The following SHOC1 variants were observed in gnomAD, a reference collection of about 807,000 sequenced individuals.
SHOC1 encodes shortage in chiasmata 1, also known as protein shortage in chiasmata 1 ortholog.
SHOC1 carries 136 observed loss-of-function variants against 179.2 expected under a neutral mutation model. The observed-to-expected ratio is 0.76, with a 90% CI of 0.66 to 0.87. SHOC1 has a LOEUF of 0.87. Among genes scored for constraint, SHOC1 ranks in the 40% least tolerant of loss-of-function variants. The pLI, the probability that SHOC1 is intolerant of heterozygous loss-of-function variation, is 0.00. For missense variants in SHOC1, 1,538 were observed against 1,700.8 expected (o/e 0.90, Z 1.68); for synonymous variants, 489 against 586.6 (o/e 0.83, Z 2.41).
chr9:111,730,061 A>G (rs1443347784), intron 12 of SHOC1, among the ~76,000 whole-genome samples: 1 of 151,950 alleles, frequency 6.6e-6, no homozygotes, highest in South Asian at 2.1e-4. Context: ...ATAAGAAACA[A>G]CTCCTCATTT....
chr9:111,787,073 G>A (rs1307710427), intron 2 of SHOC1, among the ~76,000 whole-genome samples: 1 of 152,124 alleles, frequency 6.6e-6, no homozygotes, highest in African/African-American at 2.4e-5. Context: ...GCCTATTGTT[G>A]AGACCTACTT....
chr9:111,753,310 A>G (rs1045288450), intron 8 of SHOC1, among the ~76,000 whole-genome samples: 2 of 152,204 alleles, frequency 1.3e-5, no homozygotes, highest in African/African-American at 4.8e-5. Flanking sequence ...AAGTCATTCT[A>G]TGAGGCCCAT....
chr9:111,715,206 T>C (rs1354048047), intron 16 of SHOC1, among the ~76,000 whole-genome samples: 3 of 152,166 alleles, frequency 2.0e-5, no homozygotes, highest in Non-Finnish European at 4.4e-5. Context: ...GATTTCTATG[T>C]CTAAAAAGCT....
chr9:111,711,222 G>A (rs1589392473), intron 18 of SHOC1, among the ~76,000 whole-genome samples: 1 of 152,162 alleles, frequency 6.6e-6, no homozygotes, highest in African/African-American at 2.4e-5. Context: ...ATAGAGACAG[G>A]AGGCAGCCAA....
In SHOC1 at chr9:111,686,846, TGTG is replaced by T. The variant is rs773807439; in HGVS notation, c.4448_4450del (p.Pro1483del). On this transcript the variant is annotated inframe_deletion, in exon 28 of 28. Transcript: ENST00000682961. ...ATATGCTAGACGTCGTTTTTTGAAT[TGTG>T]GTAGTTGTGAGCACATAAAACCTGT... The T allele has an allele frequency of 1.5e-5, 25 of 1,613,154 alleles. No individual in the cohort carries two copies. Among genetic ancestry groups the T allele is most frequent in the Non-Finnish European group, 1.7e-5 (20 of 1,179,314 alleles).
In SHOC1 at chr9:111,723,870, T is replaced by C; in HGVS notation, c.1876A>G (p.Ile626Val). ...CSLTLQEESPIVHINKTLEEI... is the reference protein window; with the variant it reads ...CSLTLQEESPVVHINKTLEEI... ...TCCAGGGTTTTATTAATATGAACAATAGGACTTTCTTCTTGAAGTGTCAAA... is the reference window on the plus strand; with the variant it reads ...TCCAGGGTTTTATTAATATGAACAACAGGACTTTCTTCTTGAAGTGTCAAA... The change falls in exon 14 of 28, where the codon ATT becomes GTT. Residue 626 changes from isoleucine to valine, a missense_variant. Physicochemically the swap from Ile to Val is conservative, Grantham distance 29. Transcript: ENST00000682961. 1 of 1,583,990 alleles carries C rather than the reference T, an allele frequency of 6.3e-7. No individual in the cohort carries two copies. The highest frequency in any genetic ancestry group is 1.7e-5 in the Admixed American group (1 of 59,706).
At chr9:111,699,352 A>G (rs1831852117) in intron 24 of SHOC1, among the ~76,000 whole-genome samples, 1 of 152,202 alleles carries the variant, frequency 6.6e-6, no homozygotes, top group Non-Finnish European at 1.5e-5. Flanking sequence ...CTTGTTGGAT[A>G]TTCACGTGGA....
chr9:111,761,343 A>C lies in SHOC1; in HGVS notation c.443-2495T>G, dbSNP rs942938327. On this transcript the variant is annotated intron_variant, in intron 5 of 27. Coordinates refer to ENST00000682961, the MANE Select transcript of SHOC1 (RefSeq NM_001378211.1). ...ATGGCGAAACCCCCTCTCTACTAAA[A>C]ATACAAAAATTAGCCGGGCTTGGTG... Among the ~76,000 whole-genome samples, 8 of 152,190 alleles carry C rather than the reference A, an allele frequency of 5.3e-5. No homozygotes were observed. The East Asian group carries it at 1.5e-3, about 29-fold the overall frequency.
intron 12 of SHOC1, among the ~76,000 whole-genome samples, chr9:111,728,779 C>A (rs959526169): frequency 6.6e-6 from 1 of 152,044 alleles, no homozygotes; most frequent in African/African-American, 2.4e-5. Flanking sequence ...TATTAAAAAC[C>A]ATGGAATGGT....
At chr9:111,711,704 G>GT (rs1832557892) in intron 18 of SHOC1, among the ~76,000 whole-genome samples, 2 of 152,106 alleles carry the variant, frequency 1.3e-5, no homozygotes, top group Middle Eastern at 3.2e-3. Flanking sequence ...TATAGTAGGG[G>GT]TTTTTTGTAT....
At chr9:111,767,722 A>T (rs1483692333) in intron 5 of SHOC1, among the ~76,000 whole-genome samples, 1 of 152,130 alleles carries the variant, frequency 6.6e-6, no homozygotes, top group Non-Finnish European at 1.5e-5. Flanking sequence ...ATTTCTGTGG[A>T]GAATATCATT....
Position 111,707,875 on chromosome 9 carries a change from T to G in SHOC1, c.2538A>C (p.Glu846Asp), listed in dbSNP as rs1214225267. The G allele has an allele frequency of 8.8e-6, 14 of 1,582,350 alleles. No homozygotes were observed. The highest frequency in any genetic ancestry group is 4.7e-5 in the East Asian group (2 of 42,962). Residue 846 changes from glutamate to aspartate, a missense_variant, in exon 19 of 28, where the codon GAA (glutamate) becomes GAC (aspartate). Transcript: ENST00000682961. The stretch of plus-strand genomic sequence containing the variant: ...TTTACCCCCTTAAAACACCTTCAGA[T>G]TCCAGAAAATCTTTTCTTTCATTTG... Reference protein sequence around the residue: ...LHSNERKDFLESEGVLRGTSS... With the variant: ...LHSNERKDFLDSEGVLRGTSS...
intron 10 of SHOC1, among the ~76,000 whole-genome samples, chr9:111,743,898 C>T (rs1021664439): frequency 2.6e-5 from 4 of 152,112 alleles, no homozygotes; most frequent in African/African-American, 9.7e-5. Flanking sequence ...TGATTTATCT[C>T]TTGCTGGTAA....
chr9:111,689,599 AAATAAATTTTTTTT>A (rs1239319534), intron 27 of SHOC1, among the ~76,000 whole-genome samples: 1,415 of 72,510 alleles, frequency 0.02, 19 homozygotes, highest in African/African-American at 0.11. Flanking sequence ...TACTATGGAA[AAATAAATTTTTTTT>A]AATTTAAATA....
At chr9:111,753,922 G>A (rs776562062) in intron 8 of SHOC1, among the ~76,000 whole-genome samples, 1 of 151,892 alleles carries the variant, frequency 6.6e-6, no homozygotes, top group Non-Finnish European at 1.5e-5. Context: ...TTGGTTAAAG[G>A]GTATACACTT....
chr9:111,736,033 G>T lies in SHOC1; in HGVS notation c.1417+2247C>A, dbSNP rs550923791. Among the ~76,000 whole-genome samples the T allele has an allele frequency of 4.6e-5, 7 of 152,220 alleles. No homozygotes were observed. The East Asian group carries it at 1.3e-3, about 29-fold the overall frequency. On this transcript the variant is annotated intron_variant, in intron 12 of 27. Transcript: ENST00000682961. ...ATGAGATAAAAGACCTCTACAAGGA[G>T]AACTACAAAACACTGCTGAAAGAAA...
chr9:111,735,266 T>C (rs903249929), intron 12 of SHOC1, among the ~76,000 whole-genome samples: 1 of 152,108 alleles, frequency 6.6e-6, no homozygotes, highest in Non-Finnish European at 1.5e-5. Flanking sequence ...ATACATGTTA[T>C]GGTGGTTTGC....
At position 111,692,233 on chromosome 9, in the gene SHOC1, T is replaced by A. The variant is rs1178734467; in HGVS notation, c.3744A>T (p.Ser1248=). Residue 1248 remains serine (S), a synonymous_variant, in exon 27 of 28, where the codon TCA becomes TCT. Transcript: ENST00000682961. ...CTTTCCAGTAGCTGGTCTGATTGTA[T>A]GAAGTCACAGGTGGTAAAAAACTTG... The part of the protein sequence containing the change: ...EISSFLPPVT[S]YNQTSYWKDS... The A allele has an allele frequency of 6.2e-7, 1 of 1,613,654 alleles. No homozygotes were observed. Among genetic ancestry groups the A allele is most frequent in the South Asian group, 1.1e-5 (1 of 91,074 alleles).
At chr9:111,741,053 C>G (rs1210248317) in intron 11 of SHOC1, among the ~76,000 whole-genome samples, 3 of 152,196 alleles carry the variant, frequency 2.0e-5, no homozygotes, top group Non-Finnish European at 4.4e-5. Context: ...ACACTCCCGG[C>G]TAATTTCCGG....
Sources: gnomAD v4.1 joint callset for allele counts (sites outside exome capture counted in the v4.1 genomes callset) on GRCh38, gnomAD v4.1.1 for gene constraint, MANE v1.5 for transcripts, NCBI Gene and HGNC (gene_info 2026-07-23, HGNC 2026-07-21) for gene names.